Variants in EPHB2 observed in about 807,000 individuals in gnomAD.
The protein encoded by EPHB2 is EPH receptor B2.
Under a neutral mutation model 96.4 loss-of-function variants are expected in EPHB2, and 18 were observed. The observed-to-expected ratio is 0.19, with a 90% CI of 0.13 to 0.28. The LOEUF is 0.28. EPHB2 is among the 10% of genes least tolerant of loss of function. The pLI is 1.00. For synonymous variants in EPHB2, 506 were observed against 534.1 expected, an observed-to-expected ratio of 0.95 and a Z score of 0.72; for missense variants, 989 against 1,355.4, an observed-to-expected ratio of 0.73 and a Z score of 4.25.
At chr1:22,737,764 T>C (rs116600799) in intron 1 of EPHB2, among the ~76,000 whole-genome samples, 2,777 of 152,302 alleles carry the variant, frequency 0.018, 69 homozygotes, top group African/African-American at 0.051. Flanking sequence ...ACCAACAGGC[T>C]CTTGGGTTGA....
At chr1:22,809,245 AT>A (rs964413570) in intron 3 of EPHB2, among the ~76,000 whole-genome samples, 1 of 152,174 alleles carries the variant, frequency 6.6e-6, no homozygotes, top group Admixed American at 6.5e-5. Context: ...AGAAGGGAAA[AT>A]TAACGAGCTG....
At chr1:22,823,830 G>A (rs569111263) in intron 3 of EPHB2, among the ~76,000 whole-genome samples, 2 of 152,344 alleles carry the variant, frequency 1.3e-5, no homozygotes, top group Non-Finnish European at 2.9e-5. Flanking sequence ...CATAGTAGGT[G>A]TTCATAGATA....
chr1:22,792,575 A>G lies in EPHB2; in HGVS notation c.811+7499A>G, dbSNP rs575834011. On this transcript the variant is annotated intron_variant, in intron 3 of 15. Transcript: ENST00000374630. ...CCCTTTCCTATCCATCCATTGGTCC[A>G]TCCATCCATCCATCCATCCATCCAT... 3.9e-5 allele frequency among the ~76,000 whole-genome samples: 6 copies of G among 151,958 alleles called. 1 individual carries two copies. Among genetic ancestry groups the G allele is most frequent in the African/African-American group, 1.2e-4 (5 of 41,484 alleles).
In EPHB2 at chr1:22,817,285, G is replaced by T. The variant is rs751023; in HGVS notation, c.811+32209G>T. Among the ~76,000 whole-genome samples the T allele has an allele frequency of 2.6e-5, 4 of 152,142 alleles. No individual in the cohort carries two copies. The East Asian group carries it at 5.8e-4, about 22-fold the overall frequency. On this transcript the variant is annotated intron_variant, in intron 3 of 15. Transcript: ENST00000374630. ...TTCTAAACTTGTTTGTTCCTGACAT[G>T]TGTAAACTCACTGAATCCTCATAAC... is the stretch of plus-strand genomic sequence containing the variant.
rs773475701 is a variant in EPHB2, at chr1:22,906,050, G to A, written c.1829G>A (p.Arg610Gln). The change falls in exon 10 of 16, where the codon CGG becomes CAG. Residue 610 changes from arginine to glutamine, a missense_variant. Physicochemically the swap from Arg to Gln is conservative, Grantham distance 43 (BLOSUM62 1). Coordinates refer to ENST00000374630, the MANE Select transcript of EPHB2 (RefSeq NM_017449.5). This position sits in a 1 kb window ranked among gnomAD's most constrained non-coding sequence, Gnocchi z 4.8. ...FTYEDPNEAV[R>Q]EFAKEIDISC... Reference sequence around the variant, plus strand: ...TACGAGGACCCCAACGAGGCAGTGCGGGAGTTTGCCAAGGAAATTGACATC... The same window carrying A: ...TACGAGGACCCCAACGAGGCAGTGCAGGAGTTTGCCAAGGAAATTGACATC... The A allele has an allele frequency of 9.3e-6, 15 of 1,614,196 alleles. No homozygotes were observed. The highest frequency in any genetic ancestry group is 6.7e-5 in the African/African-American group (5 of 75,034).
At position 22,875,271 on chromosome 1, in the gene EPHB2, A is replaced by T. The variant is rs1638800221; in HGVS notation, c.1304-7088A>T. Among the ~76,000 whole-genome samples the T allele has an allele frequency of 6.6e-6, 1 of 152,206 alleles. No individual in the cohort carries two copies. The highest frequency in any genetic ancestry group is 1.5e-5 in the Non-Finnish European group (1 of 68,046). On this transcript the variant is annotated intron_variant, in intron 5 of 15. Coordinates refer to ENST00000374630, the MANE Select transcript of EPHB2 (RefSeq NM_017449.5). This position sits in a 1 kb window ranked among gnomAD's most constrained non-coding sequence, Gnocchi z 4.2. ...CTACGGGTTTAAGGGACAAACACTC[A>T]AAAAGCAGCTGTCCCATGATGAGCT...
Position 22,882,246 on chromosome 1 carries a change from C to T in EPHB2, c.1304-113C>T, listed in dbSNP as rs528046520. The T allele has an allele frequency of 8.4e-6, 13 of 1,547,268 alleles. No individual in the cohort carries two copies. The South Asian group carries it at 1.4e-4, about 16-fold the overall frequency. The stretch of plus-strand genomic sequence containing the variant: ...CTGGCTCTGTGGCCTCAGCCAGATG[C>T]CCTTCCCTCTCTGATCCCACAGTGC... On this transcript the variant is annotated intron_variant, in intron 5 of 15. Coordinates refer to ENST00000374630, the MANE Select transcript of EPHB2 (RefSeq NM_017449.5).
At chr1:22,832,337 G>A (rs1645319354) in intron 3 of EPHB2, among the ~76,000 whole-genome samples, 1 of 152,120 alleles carries the variant, frequency 6.6e-6, no homozygotes, top group Non-Finnish European at 1.5e-5. Context: ...ACAATACCGG[G>A]CCTCAAGAAA....
At chr1:22,833,685 G>A (rs1162060976) in intron 3 of EPHB2, among the ~76,000 whole-genome samples, 6 of 151,992 alleles carry the variant, frequency 3.9e-5, no homozygotes, top group African/African-American at 1.5e-4. Context: ...TAAGAAAGGA[G>A]AAAAAAGTTT....
chr1:22,800,575 C>T (rs1447706775), intron 3 of EPHB2, among the ~76,000 whole-genome samples: 1 of 152,146 alleles, frequency 6.6e-6, no homozygotes, highest in East Asian at 1.9e-4. Context: ...TGCATGGGTG[C>T]CCACCCACTC....
chr1:22,767,791 A>C (rs1055061226), intron 1 of EPHB2, among the ~76,000 whole-genome samples: 1 of 152,166 alleles, frequency 6.6e-6, no homozygotes, highest in Non-Finnish European at 1.5e-5. Context: ...CCCATTCCAG[A>C]AGCTGGCTCT....
At chr1:22,812,143 C>T (rs1195019117) in intron 3 of EPHB2, among the ~76,000 whole-genome samples, 10 of 152,176 alleles carry the variant, frequency 6.6e-5, no homozygotes, top group Admixed American at 1.3e-4. Flanking sequence ...GAAATGGAGG[C>T]GCCACATCTA....
At chr1:22,859,869 T>C (rs1645765476) in intron 3 of EPHB2, among the ~76,000 whole-genome samples, 1 of 152,146 alleles carries the variant, frequency 6.6e-6, no homozygotes, top group African/African-American at 2.4e-5. Context: ...CCACAATCAA[T>C]TTTAGAACAT....
chr1:22,792,104 C>T (rs12033902), intron 3 of EPHB2, among the ~76,000 whole-genome samples: 39,370 of 151,802 alleles, frequency 0.26, 5,623 homozygotes, highest in East Asian at 0.6. Context: ...TCTGGGCCTT[C>T]AGAGTTGGAT....
intron 1 of EPHB2, among the ~76,000 whole-genome samples, chr1:22,750,396 G>A (rs1395629668): frequency 6.6e-6 from 1 of 152,152 alleles, no homozygotes; most frequent in African/African-American, 2.4e-5. Flanking sequence ...CTGGAGTCCT[G>A]GGTCACCAGA....
At chr1:22,768,990 C>T (rs1368304053) in intron 1 of EPHB2, among the ~76,000 whole-genome samples, 3 of 152,170 alleles carry the variant, frequency 2.0e-5, no homozygotes, top group Non-Finnish European at 4.4e-5. Context: ...GTGGGATCCC[C>T]CTTATAGACT....
intron 1 of EPHB2, among the ~76,000 whole-genome samples, chr1:22,741,258 G>T (rs1027165191): frequency 4.6e-5 from 7 of 152,060 alleles, no homozygotes; most frequent in African/African-American, 1.7e-4. Context: ...TCGCTATGGG[G>T]CTGCTGGGAT....
chr1:22,784,607 T>C lies in EPHB2; in HGVS notation c.342T>C (p.Tyr114=). 6.2e-7 allele frequency: 1 copy of C among 1,614,104 alleles called. No individual in the cohort carries two copies. The highest frequency in any genetic ancestry group is 8.5e-7 in the Non-Finnish European group (1 of 1,180,018). The change falls in exon 3 of 16, where the codon TAT becomes TAC. Residue 114 remains tyrosine, a synonymous_variant. Coordinates refer to ENST00000374630, the MANE Select transcript of EPHB2 (RefSeq NM_017449.5). This position sits in a 1 kb window ranked among gnomAD's most constrained non-coding sequence, Gnocchi z 5.1. Reference sequence around the variant, plus strand: ...CCTGCAAGGAGACCTTCAACCTCTATTACTATGAGGCTGACTTTGACTCGG... The same window carrying C: ...CCTGCAAGGAGACCTTCAACCTCTACTACTATGAGGCTGACTTTGACTCGG... ...PGSCKETFNL[Y]YYEADFDSAT... is the part of the protein sequence containing the mutation.
chr1:22,881,252 A>C (rs909590340), intron 5 of EPHB2, among the ~76,000 whole-genome samples: 2 of 151,988 alleles, frequency 1.3e-5, no homozygotes, highest in Admixed American at 6.6e-5. Context: ...TACAAAATTA[A>C]CCAGGTGTGG....
Sources: gnomAD v4.1 joint callset for allele counts (sites outside exome capture counted in the v4.1 genomes callset) on GRCh38, gnomAD v4.1.1 for gene constraint, Gnocchi (gnomAD v3.1) non-coding constraint, MANE v1.5 for transcripts, NCBI Gene and HGNC (gene_info 2026-07-23, HGNC 2026-07-21) for gene names.